The following RGS6 variants were observed in gnomAD, a reference collection of about 807,000 sequenced individuals.
The protein encoded by RGS6 is regulator of G-protein signaling 6.
A neutral mutation model predicts 78.5 loss-of-function variants in RGS6; 30 were observed. The ratio of observed to expected loss-of-function variants is 0.38; its 90% CI spans 0.29 to 0.52. The LOEUF (loss-of-function observed/expected upper bound fraction) is 0.52, where lower values mean the gene tolerates loss of function less well. Ranked by LOEUF, RGS6 falls within the 20% of genes least tolerant of loss-of-function variation. The pLI is 0.85. For synonymous variants in RGS6, 206 were observed against 206.0 expected (o/e 1.00, Z 0.00); for missense variants, 495 against 609.7 (o/e 0.81, Z 1.98).
intron 2 of RGS6, among the ~76,000 whole-genome samples, chr14:72,269,711 C>G (rs1193878115): frequency 1.3e-5 from 2 of 151,620 alleles, no homozygotes; most frequent in East Asian, 3.9e-4. Context: ...ACTACAGGCA[C>G]CCACCACCAT....
the RGS6 span, among the ~76,000 whole-genome samples, chr14:71,890,447 CCT>C: frequency 6.6e-6 from 1 of 151,344 alleles, no homozygotes; most frequent in Admixed American, 6.6e-5. Flanking sequence ...TCTCCTAACC[CCT>C]CATTCTATGG....
chr14:71,977,430 G>C (rs1294391169), intron 2 of RGS6, among the ~76,000 whole-genome samples: 10 of 112,776 alleles, frequency 8.9e-5, no homozygotes, highest in African/African-American at 2.2e-4. Context: ...ATCTTGAATT[G>C]ATTTTTGTAT....
intron 17 of RGS6, among the ~76,000 whole-genome samples, chr14:72,551,827 G>A (rs1222407098): frequency 2.0e-5 from 3 of 152,184 alleles, no homozygotes; most frequent in African/African-American, 7.2e-5. Context: ...TGCCTGGGAT[G>A]GACTTTGGTT....
At chr14:72,442,960 C>G (rs1336145813) in intron 3 of RGS6, among the ~76,000 whole-genome samples, 7 of 152,166 alleles carry the variant, frequency 4.6e-5, no homozygotes, top group Non-Finnish European at 8.8e-5. Flanking sequence ...AGGATGGGCT[C>G]ATCTATTTGA....
chr14:72,545,213 C>T (rs749931243), intron 17 of RGS6, among the ~76,000 whole-genome samples: 4 of 152,248 alleles, frequency 2.6e-5, no homozygotes, highest in Non-Finnish European at 5.9e-5. Flanking sequence ...GGGTCACAAA[C>T]ATTAGTGCCA....
chr14:72,264,480 T>C (rs1201932915), intron 2 of RGS6, among the ~76,000 whole-genome samples: 1 of 152,218 alleles, frequency 6.6e-6, no homozygotes, highest in Non-Finnish European at 1.5e-5. Flanking sequence ...TTCTTTAAAG[T>C]ACAACTTATT....
chr14:72,272,803 A>C (rs139681923), intron 2 of RGS6, among the ~76,000 whole-genome samples: 2 of 152,224 alleles, frequency 1.3e-5, no homozygotes, highest in African/African-American at 4.8e-5. Flanking sequence ...TCTACAGTTG[A>C]AATATCAGCT....
chr14:72,414,418 G>C (rs2093654064), intron 3 of RGS6, among the ~76,000 whole-genome samples: 1 of 152,088 alleles, frequency 6.6e-6, no homozygotes, highest in Admixed American at 6.5e-5. Flanking sequence ...AGCTCCATCA[G>C]GTCCTTTAAG....
intron 3 of RGS6, among the ~76,000 whole-genome samples, chr14:72,354,559 T>C (rs1048313528): frequency 2.0e-5 from 3 of 151,414 alleles, no homozygotes; most frequent in African/African-American, 7.3e-5. Context: ...TCACTTGAAC[T>C]GTGGAGGTTG....
chr14:72,306,670 G>A (rs2067314684), intron 2 of RGS6, among the ~76,000 whole-genome samples: 1 of 152,166 alleles, frequency 6.6e-6, no homozygotes, highest in African/African-American at 2.4e-5. Context: ...GGTGGAAATA[G>A]CAAAAGAACT....
chr14:72,474,512 T>A, intron 9 of RGS6, 113 bp from the exon 10 acceptor site: 9 of 933,726 alleles, frequency 9.6e-6, no homozygotes, highest in Non-Finnish European at 8.1e-6. Context: ...AAAAAAATCA[T>A]GCATTGTCTG....
intron 2 of RGS6, among the ~76,000 whole-genome samples, chr14:72,013,674 T>A (rs762154031): frequency 6.6e-6 from 1 of 152,232 alleles, no homozygotes; most frequent in Admixed American, 6.5e-5. Flanking sequence ...ATTTGTGAAA[T>A]ACATAAATAT....
chr14:72,150,604 G>A (rs922523132), intron 2 of RGS6, among the ~76,000 whole-genome samples: 2 of 152,012 alleles, frequency 1.3e-5, no homozygotes, highest in Non-Finnish European at 2.9e-5. Flanking sequence ...CATGGCAGAA[G>A]GTTAAGGGGA....
chr14:72,303,040 G>A (rs925996880), intron 2 of RGS6, among the ~76,000 whole-genome samples: 1 of 152,186 alleles, frequency 6.6e-6, no homozygotes, highest in African/African-American at 2.4e-5. Context: ...CCCCAGCTAT[G>A]TGGAACAGTG....
intron 2 of RGS6, among the ~76,000 whole-genome samples, chr14:72,180,076 T>C (rs2097155041): frequency 6.6e-6 from 1 of 152,208 alleles, no homozygotes; most frequent in Admixed American, 6.5e-5. Context: ...AATGGGAGTT[T>C]AAGAAGGAAG....
At chr14:72,114,509 A>G (rs904513735) in intron 2 of RGS6, among the ~76,000 whole-genome samples, 3 of 152,206 alleles carry the variant, frequency 2.0e-5, no homozygotes, top group South Asian at 4.1e-4. Context: ...TGTCATCTTC[A>G]TAATGTGGTT....
chr14:72,589,460 G>A, the RGS6 span, among the ~76,000 whole-genome samples: 1 of 152,210 alleles, frequency 6.6e-6, no homozygotes, highest in Non-Finnish European at 1.5e-5. Flanking sequence ...TGAGGCAGGA[G>A]AATCACTTGA....
the RGS6 span, among the ~76,000 whole-genome samples, chr14:71,881,361 A>C: frequency 6.6e-6 from 1 of 152,164 alleles, no homozygotes; most frequent in Non-Finnish European, 1.5e-5. Context: ...TGAGAACATG[A>C]GATTTGGGAG....
chr14:72,200,960 TTA>T (rs1491528273), intron 2 of RGS6, among the ~76,000 whole-genome samples: 1 of 40,302 alleles, frequency 2.5e-5, no homozygotes, highest in African/African-American at 6.7e-5. Context: ...TGTGCTCTGC[TTA>T]AAAAAAAAAA....
Sources: gnomAD v4.1 joint callset for allele counts (sites outside exome capture counted in the v4.1 genomes callset) on GRCh38, gnomAD v4.1.1 for gene constraint, MANE v1.5 for transcripts, NCBI Gene and HGNC (gene_info 2026-07-23, HGNC 2026-07-21) for gene names.